SPAG16: variants seen among roughly 807,000 people sequenced by gnomAD.
SPAG16 encodes the protein sperm associated antigen 16.
SPAG16 carries 86 observed loss-of-function variants against 80.4 expected under a neutral mutation model. The observed-to-expected ratio is 1.07, with a 90% confidence interval of 0.90 to 1.28. The LOEUF (loss-of-function observed/expected upper bound fraction) is 1.28. Among genes scored for constraint, SPAG16 ranks in the 50% most tolerant of loss-of-function variants. The probability of loss-of-function intolerance (pLI) is 0.00; values close to 1 mark genes in which losing one functional copy is unlikely to be tolerated. For missense variants in SPAG16, 870 were observed against 765.3 expected (o/e 1.14, Z -1.61); for synonymous variants, 294 against 265.9 (o/e 1.11, Z -1.03).
chr2:213,917,666 A>G (rs1185137814), intron 11 of SPAG16, among the ~76,000 whole-genome samples: 3 of 152,200 alleles, frequency 2.0e-5, no homozygotes, highest in Non-Finnish European at 4.4e-5. Context: ...AGATCAGGGA[A>G]CTTTTGGGCC....
intron 11 of SPAG16, among the ~76,000 whole-genome samples, chr2:213,881,140 G>A (rs1316322865): frequency 6.6e-6 from 1 of 152,104 alleles, no homozygotes; most frequent in Non-Finnish European, 1.5e-5. Context: ...ATTTGTTTCA[G>A]CATTGTTTTG....
intron 9 of SPAG16, among the ~76,000 whole-genome samples, chr2:213,443,517 A>G (rs981155496): frequency 3.3e-5 from 5 of 152,176 alleles, no homozygotes; most frequent in African/African-American, 1.2e-4. Context: ...ATTCCATTGT[A>G]TATGTATTCC....
chr2:213,299,099 T>G lies in SPAG16; in HGVS notation c.279+1742T>G, dbSNP rs191730929. Among the ~76,000 whole-genome samples the G allele has an allele frequency of 2.0e-5, 3 of 152,278 alleles. No homozygotes were observed. In the East Asian group the frequency reaches 5.8e-4, roughly 29 times the overall value. ...ATATATTCATAAACAAGATATATTT[T>G]CTTCTCTGTTAAAGGATACAGTAAT... On this transcript the variant is annotated intron_variant, in intron 3 of 15. Transcript: ENST00000331683.
chr2:213,457,820 G>A (rs59862062), intron 9 of SPAG16, among the ~76,000 whole-genome samples: 11,235 of 151,792 alleles, frequency 0.074, 1,366 homozygotes, highest in African/African-American at 0.25. Context: ...AATGTAATTA[G>A]ATGACATATT....
intron 12 of SPAG16, among the ~76,000 whole-genome samples, chr2:213,957,778 A>T (rs78210619): frequency 0.013 from 1,988 of 152,200 alleles, 41 homozygotes; most frequent in African/African-American, 0.045. Flanking sequence ...TGTGGTTACC[A>T]TAGAGATTAC....
chr2:214,213,813 C>G lies in SPAG16; in HGVS notation c.1720+64547C>G, dbSNP rs376181631. 2.7e-4 allele frequency among the ~76,000 whole-genome samples: 41 copies of G among 152,252 alleles called. No homozygotes were observed. The South Asian group carries it at 8.3e-3, about 31-fold the overall frequency. The stretch of plus-strand genomic sequence containing the variant: ...TCCTCAAAATAGTCAGTAAGAGGTC[C>G]TGGGTAGGTGAAGGTGCTACCTCTG... On this transcript the variant is annotated intron_variant, in intron 15 of 15. Coordinates refer to ENST00000331683, the MANE Select transcript of SPAG16 (RefSeq NM_024532.5).
At chr2:213,595,511 T>A (rs1278869937) in intron 10 of SPAG16, among the ~76,000 whole-genome samples, 1 of 152,134 alleles carries the variant, frequency 6.6e-6, no homozygotes, top group Non-Finnish European at 1.5e-5. Flanking sequence ...TCCTTTAAAC[T>A]GTTTTATGTG....
chr2:214,404,598 T>TA (rs755702902), intron 15 of SPAG16, among the ~76,000 whole-genome samples: 6 of 152,060 alleles, frequency 3.9e-5, no homozygotes, highest in South Asian at 2.1e-4. Flanking sequence ...CTAGTGTCTT[T>TA]AAAAAAAGGA....
chr2:213,855,559 A>G (rs2075116052), intron 10 of SPAG16, among the ~76,000 whole-genome samples: 1 of 152,184 alleles, frequency 6.6e-6, no homozygotes, highest in Non-Finnish European at 1.5e-5. Flanking sequence ...ATTGGTTAAT[A>G]TGCTGTTATA....
chr2:213,612,350 A>G (rs949938214), intron 10 of SPAG16, among the ~76,000 whole-genome samples: 7 of 152,208 alleles, frequency 4.6e-5, no homozygotes, highest in Non-Finnish European at 1.0e-4. Flanking sequence ...ATAAGTTATT[A>G]TAATTTTTCT....
chr2:213,976,361 T>A (rs902101697), intron 12 of SPAG16, among the ~76,000 whole-genome samples: 8 of 151,678 alleles, frequency 5.3e-5, no homozygotes, highest in Admixed American at 4.6e-4. Flanking sequence ...ATGATATATA[T>A]ACAGAAAGTG....
chr2:214,248,316 A>G (rs1690005136), intron 15 of SPAG16, among the ~76,000 whole-genome samples: 1 of 106,632 alleles, frequency 9.4e-6, no homozygotes, highest in Admixed American at 9.4e-5. Flanking sequence ...TATTATTATT[A>G]TTATTATTAT....
intron 13 of SPAG16, among the ~76,000 whole-genome samples, chr2:214,049,648 G>GTGGTTGTGCT (rs2049531069): frequency 6.6e-6 from 1 of 152,180 alleles, no homozygotes; most frequent in Non-Finnish European, 1.5e-5. Context: ...AATCACATTT[G>GTGGTTGTGCT]TGGTTGTGCA....
chr2:214,104,741 G>A (rs6714962), intron 13 of SPAG16, among the ~76,000 whole-genome samples: 2,914 of 152,156 alleles, frequency 0.019, 97 homozygotes, highest in African/African-American at 0.067. Flanking sequence ...TATGTCTGAC[G>A]TGCTGCATCA....
intron 15 of SPAG16, among the ~76,000 whole-genome samples, chr2:214,331,941 G>T (rs1000106185): frequency 6.6e-6 from 1 of 152,182 alleles, no homozygotes; most frequent in African/African-American, 2.4e-5. Flanking sequence ...CTTCTGCCAG[G>T]ATAGAAAGTG....
intron 12 of SPAG16, among the ~76,000 whole-genome samples, chr2:213,930,681 T>C (rs2078710367): frequency 6.6e-6 from 1 of 152,226 alleles, no homozygotes; most frequent in Admixed American, 6.5e-5. Flanking sequence ...ATTTGGAAGT[T>C]TTATGTTTTG....
In SPAG16 at chr2:213,445,671, A is replaced by T. The variant is rs189233872; in HGVS notation, c.943-44292A>T. Among the ~76,000 whole-genome samples, 838 of 152,316 alleles carry T rather than the reference A, an allele frequency of 5.5e-3. 2 individuals carry two copies. The highest frequency in any genetic ancestry group is 8.4e-3 in the Non-Finnish European group (573 of 68,028). ...ACAAGAGTGAAACTCCGTCTCAAAA[A>T]AAATGACCAACAGATATGTGAAAAA... On this transcript the variant is annotated intron_variant, in intron 9 of 15. Transcript: ENST00000331683.
In SPAG16 at chr2:214,134,425, A is replaced by T. The variant is rs552201395; in HGVS notation, c.1594-14715A>T. On this transcript the variant is annotated intron_variant, in intron 14 of 15. Coordinates refer to ENST00000331683, the MANE Select transcript of SPAG16 (RefSeq NM_024532.5). ...CCAAACATTCCTTGTCTACATTTTT[A>T]AAAATTCTCCATAGCTTTTAACATT... is the stretch of plus-strand genomic sequence containing the variant. Among the ~76,000 whole-genome samples the T allele has an allele frequency of 1.2e-4, 19 of 152,330 alleles. No homozygotes were observed. In the South Asian group the frequency reaches 3.7e-3, roughly 30 times the overall value.
intron 7 of SPAG16, among the ~76,000 whole-genome samples, chr2:213,357,235 G>C (rs896294765): frequency 1.3e-5 from 2 of 152,128 alleles, no homozygotes; most frequent in African/African-American, 4.8e-5. Flanking sequence ...ATATTCTTTT[G>C]ATTTGGGGTA....
Sources: allele counts gnomAD v4.1 joint callset (sites outside exome capture counted in the v4.1 genomes callset), GRCh38; gene constraint gnomAD v4.1.1; transcripts MANE v1.5; gene names NCBI Gene and HGNC (gene_info 2026-07-23, HGNC 2026-07-21).